Variants in POU3F3 observed in about 807,000 individuals in gnomAD.
The protein encoded by POU3F3 is POU domain, class 3, transcription factor 3.
POU3F3 carries 1 observed loss-of-function variant against 8.6 expected under a neutral mutation model. That is an observed-to-expected ratio of 0.12 (90% CI 0.04 to 0.55). The LOEUF (loss-of-function observed/expected upper bound fraction) is 0.55. Ranked by LOEUF, POU3F3 falls within the 20% of genes least tolerant of loss-of-function variation. The probability of loss-of-function intolerance (pLI) is 0.91; values close to 1 mark genes in which losing one functional copy is unlikely to be tolerated. For synonymous variants in POU3F3, 418 were observed against 327.4 expected (o/e 1.28, Z -2.99); for missense variants, 577 against 690.7 (o/e 0.84, Z 1.84).
At chr2:104,892,371 CT>C in the POU3F3 span, among the ~76,000 whole-genome samples, 1 of 152,156 alleles carries the variant, frequency 6.6e-6, no homozygotes, top group Admixed American at 6.5e-5. Flanking sequence ...GAATCTGCAG[CT>C]TTCAAGCAAC....
chr2:104,888,344 G>A, the POU3F3 span, among the ~76,000 whole-genome samples: 1 of 152,224 alleles, frequency 6.6e-6, no homozygotes, highest in Non-Finnish European at 1.5e-5. Flanking sequence ...TGCATGTGAA[G>A]CTCTGTGTGG....
chr2:104,875,430 G>A, the POU3F3 span, among the ~76,000 whole-genome samples: 3 of 152,158 alleles, frequency 2.0e-5, no homozygotes, highest in African/African-American at 7.2e-5. Context: ...CCCAGAAGCA[G>A]CACCATTTTT....
chr2:104,856,031 C>T lies in POU3F3; in HGVS notation c.521C>T (p.Pro174Leu). The change falls in exon 1 of 1, where the codon CCC becomes CTC. Residue 174 changes from proline (P) to leucine (L), a missense_variant. Transcript: ENST00000361360. The stretch of plus-strand genomic sequence containing the variant: ...CACCGCGGGCCGCCGCACCTCGGAC[C>T]CCCGCCGCCGCCCCCACACCAGGGC... The part of the protein sequence containing the change: ...LHHRGPPHLG[P>L]PPPPPHQGHP... 1.0e-6 allele frequency: 1 copy of T among 987,490 alleles called. No homozygotes were observed. Among genetic ancestry groups the T allele is most frequent in the Non-Finnish European group, 1.2e-6 (1 of 834,282 alleles). The allele number at this position is 987,490 out of a possible 1,614,324, so 61.2% of individuals were successfully genotyped here. A position where few individuals can be genotyped will look rare whatever the true frequency, so the allele number is the denominator to read the frequency against.
At chr2:104,892,717 G>GGAGA in the POU3F3 span, among the ~76,000 whole-genome samples, 1 of 149,528 alleles carries the variant, frequency 6.7e-6, no homozygotes, top group Non-Finnish European at 1.5e-5. Context: ...ACACACATAT[G>GGAGA]GAGAGAGAGA....
the POU3F3 span, among the ~76,000 whole-genome samples, chr2:104,918,509 G>A: frequency 6.6e-6 from 1 of 152,152 alleles, no homozygotes; most frequent in African/African-American, 2.4e-5. Context: ...GGTGACTGGT[G>A]TCCTTATAAC....
At chr2:104,879,253 G>T in the POU3F3 span, among the ~76,000 whole-genome samples, 1 of 151,848 alleles carries the variant, frequency 6.6e-6, no homozygotes, top group Non-Finnish European at 1.5e-5. Context: ...CGAGAGAGGA[G>T]CCTATGTCTT....
chr2:104,891,996 G>C, the POU3F3 span, among the ~76,000 whole-genome samples: 1 of 152,146 alleles, frequency 6.6e-6, no homozygotes, highest in Non-Finnish European at 1.5e-5. Context: ...TAAACAGGGA[G>C]ACATTCGTAG....
At chr2:104,853,874 G>A (rs1676493036), upstream of POU3F3, 1 of 152,018 alleles carries the variant, frequency 6.6e-6, no homozygotes, top group African/African-American at 2.4e-5. Flanking sequence ...GGGGCGGGGA[G>A]GGGAAAGTGG....
rs750280176 is a variant in POU3F3, at chr2:104,856,950, G to A, written c.1440G>A (p.Gln480=). The change falls in exon 1 of 1, where the codon CAG becomes CAA. Residue 480 remains glutamine (Q), a synonymous_variant. Transcript: ENST00000361360. ...QQQTPDDVYS[Q]VGTVSADTPP... ...AGACGCCCGACGACGTCTACTCGCA[G>A]GTGGGCACCGTGAGCGCCGACACGC... The A allele has an allele frequency of 4.3e-6, 7 of 1,612,902 alleles. No individual in the cohort carries two copies. The highest frequency in any genetic ancestry group is 5.1e-6 in the Non-Finnish European group (6 of 1,179,798).
the POU3F3 span, among the ~76,000 whole-genome samples, chr2:104,900,349 AAAG>A: frequency 1.3e-5 from 2 of 152,208 alleles, no homozygotes; most frequent in Admixed American, 1.3e-4. Flanking sequence ...ATGGAATGGT[AAAG>A]AAGAAAGAAG....
the POU3F3 span, among the ~76,000 whole-genome samples, chr2:104,898,136 G>C: frequency 2.0e-5 from 3 of 152,284 alleles, 1 homozygote; most frequent in South Asian, 4.1e-4. Context: ...CGCTTAAGAA[G>C]AGGCCGGAGA....
chr2:104,863,527 C>T (rs1159187866), downstream of POU3F3, among the ~76,000 whole-genome samples: 3 of 152,128 alleles, frequency 2.0e-5, no homozygotes, highest in African/African-American at 7.2e-5. Flanking sequence ...ACGCTGCTGA[C>T]GGTGGAGTTC....
At chr2:104,878,974 A>G in the POU3F3 span, among the ~76,000 whole-genome samples, 1 of 151,954 alleles carries the variant, frequency 6.6e-6, no homozygotes, top group Non-Finnish European at 1.5e-5. Flanking sequence ...GCACACTCAC[A>G]CAACACGGCA....
At chr2:104,921,005 A>T in the POU3F3 span, among the ~76,000 whole-genome samples, 1 of 152,100 alleles carries the variant, frequency 6.6e-6, no homozygotes, top group East Asian at 1.9e-4. Flanking sequence ...TCAAACTTAC[A>T]TCCATCTTTT....
At chr2:104,859,367 A>C (rs931447922), downstream of POU3F3, among the ~76,000 whole-genome samples, 1 of 152,216 alleles carries the variant, frequency 6.6e-6, no homozygotes, top group Non-Finnish European at 1.5e-5. Context: ...AATATTTACA[A>C]TGTGGGAAAA....
At chr2:104,896,806 G>A in the POU3F3 span, among the ~76,000 whole-genome samples, 3 of 152,236 alleles carry the variant, frequency 2.0e-5, no homozygotes, top group Non-Finnish European at 2.9e-5. Flanking sequence ...ATGGACTGAC[G>A]TGGGATCACG....
the POU3F3 span, among the ~76,000 whole-genome samples, chr2:104,911,587 A>T: frequency 6.6e-6 from 1 of 152,182 alleles, no homozygotes; most frequent in Non-Finnish European, 1.5e-5. Context: ...AGCATCTCCC[A>T]GCAGGTTCAT....
chr2:104,902,160 C>A, the POU3F3 span, among the ~76,000 whole-genome samples: 1 of 152,162 alleles, frequency 6.6e-6, no homozygotes. Context: ...CTATTACCTG[C>A]AACCTTCTCC....
the POU3F3 span, among the ~76,000 whole-genome samples, chr2:104,906,008 T>G: frequency 6.6e-6 from 1 of 151,786 alleles, no homozygotes; most frequent in Non-Finnish European, 1.5e-5. Context: ...GATGGGAGAG[T>G]TTTTGGTTGG....
Sources: allele counts gnomAD v4.1 joint callset (sites outside exome capture counted in the v4.1 genomes callset), GRCh38; gene constraint gnomAD v4.1.1; transcripts MANE v1.5; gene names NCBI Gene and HGNC (gene_info 2026-07-23, HGNC 2026-07-21).